APTX: variants seen among roughly 807,000 people sequenced by gnomAD.
APTX encodes the protein forkhead-associated domain histidine triad-like protein.
APTX carries 33 observed loss-of-function variants against 42.3 expected under a neutral mutation model. The ratio of observed to expected loss-of-function variants is 0.78; its 90% CI spans 0.59 to 1.04. The LOEUF (loss-of-function observed/expected upper bound fraction) is 1.04. APTX is among the 50% of genes least tolerant of loss of function. The pLI, the probability that APTX is intolerant of heterozygous loss-of-function variation, is 0.00. For missense variants in APTX, 421 were observed against 415.1 expected, an observed-to-expected ratio of 1.01 and a Z score of -0.12; for synonymous variants, 130 against 146.7, an observed-to-expected ratio of 0.89 and a Z score of 0.82.
In APTX at chr9:32,986,229, T is replaced by C. The variant is rs145402950; in HGVS notation, c.484-199A>G. On this transcript the variant is annotated intron_variant, in intron 4 of 7. Transcript: ENST00000379817. ...TTGCCTTCCTATATTCTCTTTTTTT[T>C]TGAGACAAAGTCTCACTCTGTCTCA... 521 of 714,204 alleles carry C rather than the reference T, an allele frequency of 7.3e-4. 3 individuals carry two copies. The African/African-American group carries it at 7.7e-3, about 10-fold the overall frequency. 44.2% of individuals were successfully genotyped at this position (714,204 alleles called of 1,614,324 possible). A position where few individuals can be genotyped will look rare whatever the true frequency, so the allele number is the denominator to read the frequency against.
At chr9:33,004,630 C>CAGTTTTT (rs1836994019), upstream of APTX, among the ~76,000 whole-genome samples, 1 of 125,712 alleles carries the variant, frequency 8.0e-6, no homozygotes, top group Non-Finnish European at 1.6e-5. Context: ...CTTGCCAACC[C>CAGTTTTT]TTTTTTTTTT....
intron 6 of APTX, 109 bp downstream of exon 6, chr9:32,984,522 C>A: frequency 8.6e-7 from 1 of 1,157,298 alleles, no homozygotes; most frequent in Non-Finnish European, 1.3e-6. Flanking sequence ...AAAACTCCAT[C>A]CCACTTCCCT....
At chr9:32,989,277 A>T (rs919653460) in intron 2 of APTX, among the ~76,000 whole-genome samples, 1 of 152,182 alleles carries the variant, frequency 6.6e-6, no homozygotes, top group African/African-American at 2.4e-5. Flanking sequence ...ACAGGAAAAA[A>T]CAAGGTACAT....
At chr9:32,991,802 C>G (rs1833720456) in intron 1 of APTX, among the ~76,000 whole-genome samples, 1 of 148,856 alleles carries the variant, frequency 6.7e-6, no homozygotes, top group African/African-American at 2.5e-5. Context: ...AGGCGAGACA[C>G]TCACCAAAGA....
chr9:32,977,454 A>G (rs138412564), intron 6 of APTX, among the ~76,000 whole-genome samples: 7 of 152,344 alleles, frequency 4.6e-5, no homozygotes, highest in Non-Finnish European at 7.3e-5. Context: ...ACTGTACTCC[A>G]GACTGGGAGA....
At chr9:32,988,700 A>G (rs1004546408) in intron 2 of APTX, among the ~76,000 whole-genome samples, 34 of 151,040 alleles carry the variant, frequency 2.3e-4, no homozygotes, top group Non-Finnish European at 4.3e-4. Context: ...AAAAAAAAAA[A>G]AAAAAAAAAA....
intron 1 of APTX, among the ~76,000 whole-genome samples, chr9:32,998,189 A>G (rs1835413766): frequency 1.3e-5 from 2 of 152,232 alleles, no homozygotes; most frequent in Admixed American, 6.5e-5. Flanking sequence ...GAGGATAGTC[A>G]GATGTGAGGG....
At chr9:32,988,273 T>A in intron 2 of APTX, 144 bp from the exon 3 acceptor site, 1 of 733,014 alleles carries the variant, frequency 1.4e-6, no homozygotes, top group Non-Finnish European at 2.4e-6. Context: ...AATCACCTGT[T>A]ATTGCAGGTG....
intron 1 of APTX, among the ~76,000 whole-genome samples, chr9:33,009,705 G>C (rs1190251136): frequency 6.6e-6 from 1 of 151,970 alleles, no homozygotes; most frequent in Non-Finnish European, 1.5e-5. Context: ...CTTGAGCCCA[G>C]AAGTCCAAGG....
chr9:33,017,937 C>CG (rs72205922), intron 1 of APTX, among the ~76,000 whole-genome samples: 3 of 47,012 alleles, frequency 6.4e-5, no homozygotes, highest in Admixed American at 6.3e-4. Context: ...CGCCCCCCCC[C>CG]CCCTCCCATT....
chr9:32,978,721 T>C (rs1372254650), intron 6 of APTX, among the ~76,000 whole-genome samples: 1 of 152,184 alleles, frequency 6.6e-6, no homozygotes, highest in Non-Finnish European at 1.5e-5. Context: ...TAAACATTTA[T>C]GGTATGTATC....
At chr9:32,982,061 G>A (rs1372436341) in intron 6 of APTX, among the ~76,000 whole-genome samples, 1 of 150,822 alleles carries the variant, frequency 6.6e-6, no homozygotes, top group African/African-American at 2.4e-5. Flanking sequence ...AAATGATCAA[G>A]GTTAACATCA....
intron 1 of APTX, among the ~76,000 whole-genome samples, chr9:33,007,181 G>A (rs1837219753): frequency 6.6e-6 from 1 of 152,044 alleles, no homozygotes; most frequent in African/African-American, 2.4e-5. Context: ...CCAATAGCAG[G>A]GCTTTTAGAT....
intron 1 of APTX, among the ~76,000 whole-genome samples, chr9:32,991,274 G>A (rs1276370931): frequency 1.3e-5 from 2 of 152,130 alleles, no homozygotes; most frequent in African/African-American, 4.8e-5. Flanking sequence ...TGTGCAATAC[G>A]CAACGCGCAA....
In APTX at chr9:32,984,685, G is replaced by A. The variant is rs1289267925; in HGVS notation, c.716C>T (p.Ala239Val). 2 of 1,614,190 alleles carry A rather than the reference G, an allele frequency of 1.2e-6. No individual in the cohort carries two copies. Among genetic ancestry groups the A allele is most frequent in the Non-Finnish European group, 1.7e-6 (2 of 1,180,034 alleles). The change falls in exon 6 of 8, where the codon GCT becomes GTT. Residue 239 changes from alanine (A) to valine (V), a missense_variant. Coordinates refer to ENST00000379817, the MANE Select transcript of APTX (RefSeq NM_001195248.2). ...TCGGAAGCGGAGTTTGCTGGACCCA[G>A]CAAAATCTACAATCACCTTTTCCCC... The part of the protein sequence containing the change: ...TVGEKVIVDF[A>V]GSSKLRFRLG...
intron 6 of APTX, among the ~76,000 whole-genome samples, chr9:32,982,303 A>G (rs1402363693): frequency 1.3e-5 from 2 of 152,210 alleles, no homozygotes; most frequent in African/African-American, 4.8e-5. Flanking sequence ...ATTGAGGGAG[A>G]CTAAGAAGAG....
At chr9:33,012,617 C>T (rs1837618852) in intron 1 of APTX, among the ~76,000 whole-genome samples, 2 of 152,144 alleles carry the variant, frequency 1.3e-5, no homozygotes, top group South Asian at 4.1e-4. Flanking sequence ...AGCTCCCAGC[C>T]AGTAACAGCC....
intron 1 of APTX, among the ~76,000 whole-genome samples, chr9:33,015,108 T>C (rs910992931): frequency 6.6e-6 from 1 of 152,230 alleles, no homozygotes; most frequent in African/African-American, 2.4e-5. Context: ...TTTATTTTTT[T>C]CATTCTCCAC....
chr9:32,992,343 T>C (rs1833842540), intron 1 of APTX, among the ~76,000 whole-genome samples: 1 of 152,168 alleles, frequency 6.6e-6, no homozygotes, highest in African/African-American at 2.4e-5. Context: ...TTCAAATGAA[T>C]AAGATTAGTG....
Sources: gnomAD v4.1 joint callset for allele counts (sites outside exome capture counted in the v4.1 genomes callset) on GRCh38, gnomAD v4.1.1 for gene constraint, MANE v1.5 for transcripts, NCBI Gene and HGNC (gene_info 2026-07-23, HGNC 2026-07-21) for gene names.